The following BACH2 variants were observed in gnomAD, a reference collection of about 807,000 sequenced individuals.
The protein encoded by BACH2 is transcription regulator protein BACH2.
BACH2 carries 5 observed loss-of-function variants against 61.8 expected under a neutral mutation model. The observed-to-expected ratio is 0.08, with a 90% CI of 0.04 to 0.17. BACH2 has a LOEUF of 0.17. BACH2 is among the 10% of genes least tolerant of loss of function. The pLI, the probability that BACH2 is intolerant of heterozygous loss-of-function variation, is 1.00. For synonymous variants in BACH2, 446 were observed against 440.1 expected (o/e 1.01, Z -0.17); for missense variants, 824 against 1,091.1 (o/e 0.76, Z 3.45).
intron 3 of BACH2, among the ~76,000 whole-genome samples, chr6:90,243,992 G>C (rs1308373381): frequency 6.6e-6 from 1 of 152,210 alleles, no homozygotes; most frequent in African/African-American, 2.4e-5. Flanking sequence ...CATGATCTCA[G>C]CTCACTGCAA....
chr6:90,232,968 T>C (rs1045486919), intron 3 of BACH2, among the ~76,000 whole-genome samples: 3 of 152,202 alleles, frequency 2.0e-5, no homozygotes, highest in South Asian at 2.1e-4. Context: ...ATTCAACAGA[T>C]AGCCTTCATT....
intron 4 of BACH2, among the ~76,000 whole-genome samples, chr6:90,102,507 G>A (rs1281445374): frequency 6.6e-6 from 1 of 152,060 alleles, no homozygotes; most frequent in Non-Finnish European, 1.5e-5. Flanking sequence ...TGCCCTCCTG[G>A]GCTGGGCGTG....
At chr6:90,181,458 T>C (rs1225996510) in intron 4 of BACH2, among the ~76,000 whole-genome samples, 14 of 151,946 alleles carry the variant, frequency 9.2e-5, no homozygotes, top group Admixed American at 9.2e-4. Flanking sequence ...GAGGAAAAGT[T>C]GTTGTTTTTT....
In BACH2 at chr6:89,970,706, C is replaced by G. The variant is rs571724877; in HGVS notation, c.244-18844G>C. Among the ~76,000 whole-genome samples, 12 of 152,276 alleles carry G rather than the reference C, an allele frequency of 7.9e-5. No individual in the cohort carries two copies. The South Asian group carries it at 2.3e-3, about 29-fold the overall frequency. On this transcript the variant is annotated intron_variant, in intron 6 of 8. Transcript: ENST00000257749. ...GAAGGAAATTTGTTTCTGGCCCCCCCCAGATCTTACAACAAGCACTGCCGA... is the reference window on the plus strand; with the variant it reads ...GAAGGAAATTTGTTTCTGGCCCCCCGCAGATCTTACAACAAGCACTGCCGA...
intron 6 of BACH2, among the ~76,000 whole-genome samples, chr6:89,998,850 T>C (rs912547637): frequency 6.6e-6 from 1 of 152,184 alleles, no homozygotes; most frequent in Non-Finnish European, 1.5e-5. Context: ...GCTGTCTGCT[T>C]TTATAACTGC....
intron 1 of BACH2, among the ~76,000 whole-genome samples, chr6:90,274,288 A>AT (rs1434665495): frequency 6.6e-6 from 1 of 152,228 alleles, no homozygotes; most frequent in Non-Finnish European, 1.5e-5. Flanking sequence ...TAATATTAAG[A>AT]TTTTTTTAAG....
intron 3 of BACH2, among the ~76,000 whole-genome samples, chr6:90,243,046 A>ATTTTT (rs397886318): frequency 2.0e-5 from 2 of 101,230 alleles, no homozygotes; most frequent in Non-Finnish European, 2.0e-5. Context: ...TGCCCGGCTA[A>ATTTTT]TTTTTTTTTT....
At chr6:89,959,550 A>T (rs898827094) in intron 6 of BACH2, among the ~76,000 whole-genome samples, 1 of 152,154 alleles carries the variant, frequency 6.6e-6, no homozygotes, top group African/African-American at 2.4e-5. Context: ...ACACCTAAAA[A>T]AATTATTCAG....
chr6:90,265,699 T>C (rs1247467560), intron 2 of BACH2, among the ~76,000 whole-genome samples: 1 of 152,204 alleles, frequency 6.6e-6, no homozygotes, highest in Non-Finnish European at 1.5e-5. Flanking sequence ...GTAAGGTACC[T>C]TTCTATCTAT....
intron 2 of BACH2, among the ~76,000 whole-genome samples, chr6:90,270,251 G>T (rs1771476579): frequency 6.6e-6 from 1 of 152,150 alleles, no homozygotes; most frequent in Admixed American, 6.5e-5. Context: ...ATAATAGTGG[G>T]ATTGCTAGAT....
chr6:90,295,785 A>G (rs2127896826), intron 1 of BACH2, among the ~76,000 whole-genome samples: 1 of 152,154 alleles, frequency 6.6e-6, no homozygotes, highest in East Asian at 1.9e-4. Context: ...ACGCTTTCCG[A>G]CAACCCGATC....
chr6:90,061,854 T>C (rs1780702106), intron 5 of BACH2, among the ~76,000 whole-genome samples: 1 of 152,174 alleles, frequency 6.6e-6, no homozygotes, highest in South Asian at 2.1e-4. Flanking sequence ...TCTGAACAGT[T>C]CTGGTGAAGC....
At chr6:90,039,549 T>C (rs1779426319) in intron 5 of BACH2, among the ~76,000 whole-genome samples, 1 of 152,160 alleles carries the variant, frequency 6.6e-6, no homozygotes, top group Non-Finnish European at 1.5e-5. Context: ...CACGGCCGGC[T>C]AATTTTTTGT....
chr6:90,278,668 G>A (rs529214988), intron 1 of BACH2, among the ~76,000 whole-genome samples: 1 of 152,280 alleles, frequency 6.6e-6, no homozygotes, highest in South Asian at 2.1e-4. Flanking sequence ...TACTTTGTGG[G>A]TTCAAGAAAG....
intron 1 of BACH2, among the ~76,000 whole-genome samples, chr6:90,279,748 G>T (rs571765432): frequency 6.6e-6 from 1 of 152,220 alleles, no homozygotes; most frequent in East Asian, 1.9e-4. Context: ...TTACTATACA[G>T]TAAAGCATAT....
At chr6:90,158,771 G>GC (rs1310895208) in intron 4 of BACH2, among the ~76,000 whole-genome samples, 12 of 149,536 alleles carry the variant, frequency 8.0e-5, no homozygotes, top group Admixed American at 7.3e-4. Context: ...TTGGTGGGGG[G>GC]GGGGCACTTA....
intron 4 of BACH2, among the ~76,000 whole-genome samples, chr6:90,111,463 G>T (rs1041446234): frequency 4.6e-5 from 7 of 152,234 alleles, no homozygotes; most frequent in African/African-American, 1.4e-4. Flanking sequence ...GCCCAAGCCT[G>T]CAAGGCCCTG....
chr6:90,165,178 A>C (rs1193683302), intron 4 of BACH2, among the ~76,000 whole-genome samples: 7 of 152,168 alleles, frequency 4.6e-5, no homozygotes, highest in African/African-American at 1.2e-4. Context: ...TCATCTCAGC[A>C]CAAAATCTCC....
Position 90,136,595 on chromosome 6 carries a change from G to A in BACH2, c.-161-47486C>T, listed in dbSNP as rs537726354. ...ATGTGATGCAGAAAATGGCTATAGT[G>A]AACTGTTAGGAAGGAGAGGGGATAT... is the stretch of plus-strand genomic sequence containing the variant. On this transcript the variant is annotated intron_variant, in intron 4 of 8. Transcript: ENST00000257749. Among the ~76,000 whole-genome samples, 6 of 152,210 alleles carry A rather than the reference G, an allele frequency of 3.9e-5. No individual in the cohort carries two copies. The East Asian group carries it at 1.2e-3, about 29-fold the overall frequency.
Sources: allele counts gnomAD v4.1 joint callset (sites outside exome capture counted in the v4.1 genomes callset), GRCh38; gene constraint gnomAD v4.1.1; transcripts MANE v1.5; gene names NCBI Gene and HGNC (gene_info 2026-07-23, HGNC 2026-07-21).